SGCZ: variants seen among roughly 807,000 people sequenced by gnomAD.
The protein encoded by SGCZ is zeta-sarcoglycan.
Under a neutral mutation model 41.3 loss-of-function variants are expected in SGCZ, and 40 were observed. The ratio of observed to expected loss-of-function variants is 0.97; its 90% confidence interval spans 0.75 to 1.26. SGCZ has a LOEUF of 1.26. Among genes scored for constraint, SGCZ ranks in the 50% most tolerant of loss-of-function variants. The pLI is 0.00. For missense variants in SGCZ, 552 were observed against 369.8 expected, an observed-to-expected ratio of 1.49 and a Z score of -4.04; for synonymous variants, 206 against 137.5, an observed-to-expected ratio of 1.50 and a Z score of -3.49.
chr8:14,844,196 C>T lies in SGCZ; in HGVS notation c.40-289270G>A, dbSNP rs551709285. Among the ~76,000 whole-genome samples the T allele has an allele frequency of 9.9e-5, 15 of 152,160 alleles. No individual in the cohort carries two copies. In the East Asian group the frequency reaches 2.7e-3, roughly 27 times the overall value. ...TACATATAACCTACACACATTCCCC[C>T]ATATACTTTACCTGTTTCCACTGTA... On this transcript the variant is annotated intron_variant, in intron 1 of 7. Transcript: ENST00000382080.
At chr8:15,037,483 G>C (rs145687069) in intron 1 of SGCZ, among the ~76,000 whole-genome samples, 2 of 152,094 alleles carry the variant, frequency 1.3e-5, no homozygotes, top group African/African-American at 4.8e-5. Context: ...CATGAGAATG[G>C]ACTAATACAT....
chr8:15,024,863 G>A (rs1490557690), intron 1 of SGCZ, among the ~76,000 whole-genome samples: 2 of 152,052 alleles, frequency 1.3e-5, no homozygotes, highest in African/African-American at 4.8e-5. Flanking sequence ...GTGAACCCCG[G>A]AGGCGGAGCT....
At chr8:14,153,191 CT>C (rs1803763928) in intron 5 of SGCZ, among the ~76,000 whole-genome samples, 1 of 152,136 alleles carries the variant, frequency 6.6e-6, no homozygotes, top group African/African-American at 2.4e-5. Flanking sequence ...CAGATTCTCT[CT>C]GTATTATTTG....
intron 1 of SGCZ, among the ~76,000 whole-genome samples, chr8:15,087,716 G>T (rs1191435800): frequency 1.3e-5 from 2 of 152,022 alleles, no homozygotes; most frequent in African/African-American, 4.8e-5. Context: ...TTTTATGTGG[G>T]TTCAGCTAAC....
intron 2 of SGCZ, among the ~76,000 whole-genome samples, chr8:14,527,596 G>T (rs1563387707): frequency 6.6e-6 from 1 of 152,026 alleles, no homozygotes; most frequent in Admixed American, 6.6e-5. Context: ...TGATGTCATT[G>T]TCATTATGCT....
At chr8:15,028,442 T>C (rs112228451) in intron 1 of SGCZ, among the ~76,000 whole-genome samples, 1 of 151,544 alleles carries the variant, frequency 6.6e-6, no homozygotes, top group Non-Finnish European at 1.5e-5. Context: ...TCTTTCTAAG[T>C]TGAAGTCAGT....
intron 1 of SGCZ, among the ~76,000 whole-genome samples, chr8:14,738,358 C>A (rs1323822720): frequency 6.6e-6 from 1 of 152,104 alleles, no homozygotes; most frequent in Non-Finnish European, 1.5e-5. Flanking sequence ...ATCTAAACCA[C>A]TCTCAAAGAT....
At chr8:14,753,479 A>C (rs1250929746) in intron 1 of SGCZ, among the ~76,000 whole-genome samples, 2 of 152,206 alleles carry the variant, frequency 1.3e-5, no homozygotes, top group African/African-American at 4.8e-5. Flanking sequence ...AAAATTTTTC[A>C]AATATGCATA....
chr8:14,552,526 T>TA (rs1314452436), intron 2 of SGCZ, among the ~76,000 whole-genome samples: 3 of 151,924 alleles, frequency 2.0e-5, no homozygotes, highest in Non-Finnish European at 4.4e-5. Context: ...AAGGAAAACG[T>TA]AAAAAAATAA....
chr8:15,109,465 C>T (rs1189521756), intron 1 of SGCZ, among the ~76,000 whole-genome samples: 1 of 151,948 alleles, frequency 6.6e-6, no homozygotes, highest in African/African-American at 2.4e-5. Context: ...AATCATAAGA[C>T]ACAGAAAGGA....
At chr8:14,622,954 T>G (rs532270953) in intron 1 of SGCZ, among the ~76,000 whole-genome samples, 1 of 152,258 alleles carries the variant, frequency 6.6e-6, no homozygotes, top group East Asian at 1.9e-4. Context: ...ACTCCATGTA[T>G]CTATTGATAT....
intron 3 of SGCZ, among the ~76,000 whole-genome samples, chr8:14,305,161 C>A (rs769286202): frequency 3.9e-5 from 6 of 151,958 alleles, no homozygotes; most frequent in Non-Finnish European, 7.4e-5. Flanking sequence ...AACATTAAGT[C>A]AAATGTTAAG....
intron 4 of SGCZ, among the ~76,000 whole-genome samples, chr8:14,206,415 A>G (rs2117083329): frequency 6.6e-6 from 1 of 152,326 alleles, no homozygotes; most frequent in Non-Finnish European, 1.5e-5. Flanking sequence ...AGCACACACA[A>G]TGGAGTACAC....
chr8:14,133,456 C>T (rs901209958), intron 5 of SGCZ, among the ~76,000 whole-genome samples: 1 of 152,080 alleles, frequency 6.6e-6, no homozygotes, highest in Non-Finnish European at 1.5e-5. Flanking sequence ...TTTTCTTTCA[C>T]GTAGTCTCCA....
intron 2 of SGCZ, among the ~76,000 whole-genome samples, chr8:14,397,223 T>G (rs1289390632): frequency 6.6e-6 from 1 of 152,144 alleles, no homozygotes; most frequent in East Asian, 1.9e-4. Flanking sequence ...ACATTAGAAA[T>G]ATGAGATGAG....
At chr8:14,365,953 T>A (rs991181798) in intron 2 of SGCZ, among the ~76,000 whole-genome samples, 13 of 152,216 alleles carry the variant, frequency 8.5e-5, no homozygotes, top group Non-Finnish European at 1.3e-4. Flanking sequence ...TGCATTAATC[T>A]TTCCAAGAAC....
intron 4 of SGCZ, among the ~76,000 whole-genome samples, chr8:14,187,232 A>T (rs1348597995): frequency 1.3e-5 from 2 of 152,232 alleles, no homozygotes; most frequent in Non-Finnish European, 2.9e-5. Flanking sequence ...GAGTGAGGAA[A>T]TCCAGAGTTG....
intron 2 of SGCZ, among the ~76,000 whole-genome samples, chr8:14,378,736 G>T (rs1804240032): frequency 6.6e-6 from 1 of 152,120 alleles, no homozygotes; most frequent in Non-Finnish European, 1.5e-5. Flanking sequence ...TAACTTGTGG[G>T]ATCTGACACT....
At chr8:14,136,589 G>C (rs939196911) in intron 5 of SGCZ, among the ~76,000 whole-genome samples, 5 of 152,204 alleles carry the variant, frequency 3.3e-5, no homozygotes, top group Non-Finnish European at 7.3e-5. Context: ...GTGGCAGCGA[G>C]GCTGGGGGAG....
Sources: allele counts gnomAD v4.1 joint callset (sites outside exome capture counted in the v4.1 genomes callset), GRCh38; gene constraint gnomAD v4.1.1; transcripts MANE v1.5; gene names NCBI Gene and HGNC (gene_info 2026-07-23, HGNC 2026-07-21).